SGCG: variants seen among roughly 807,000 people sequenced by gnomAD.
SGCG encodes gamma-sarcoglycan.
A neutral mutation model predicts 29.3 loss-of-function variants in SGCG; 26 were observed. The ratio of observed to expected loss-of-function variants is 0.89; its 90% CI spans 0.65 to 1.23. The LOEUF (loss-of-function observed/expected upper bound fraction) is 1.23. Among genes scored for constraint, SGCG ranks in the 50% most tolerant of loss-of-function variants. SGCG has a pLI of 0.00. For synonymous variants in SGCG, 145 were observed against 129.7 expected (o/e 1.12, Z -0.80); for missense variants, 353 against 356.0 (o/e 0.99, Z 0.07).
At chr13:23,200,733 A>C (rs2137496262) in intron 1 of SGCG, among the ~76,000 whole-genome samples, 1 of 152,286 alleles carries the variant, frequency 6.6e-6, no homozygotes, top group African/African-American at 2.4e-5. Flanking sequence ...TTACTGAAAT[A>C]GGAATGATCA....
At chr13:23,266,638 C>G (rs964839619) in intron 4 of SGCG, among the ~76,000 whole-genome samples, 2 of 152,074 alleles carry the variant, frequency 1.3e-5, no homozygotes, top group African/African-American at 4.8e-5. Flanking sequence ...CACTAAAATC[C>G]TAGACATCAC....
intron 2 of SGCG, among the ~76,000 whole-genome samples, chr13:23,226,093 T>C (rs9580575): frequency 0.1 from 15,828 of 152,168 alleles, 988 homozygotes; most frequent in Middle Eastern, 0.14. Context: ...CACCCCGCAC[T>C]GGGGGATTTC....
chr13:23,166,225 TTTTGTTTG>T, the SGCG span, among the ~76,000 whole-genome samples: 2 of 151,860 alleles, frequency 1.3e-5, no homozygotes, highest in South Asian at 4.2e-4. Context: ...TTACCGAGAG[TTTTGTTTG>T]TTTGTTTGTT....
At chr13:23,242,197 G>A (rs919927673) in intron 3 of SGCG, among the ~76,000 whole-genome samples, 2 of 152,116 alleles carry the variant, frequency 1.3e-5, no homozygotes, top group Admixed American at 6.5e-5. Context: ...CAGAATTCTT[G>A]ATATAGGATT....
chr13:23,187,635 T>G (rs1877043215), intron 1 of SGCG, among the ~76,000 whole-genome samples: 1 of 152,064 alleles, frequency 6.6e-6, no homozygotes, highest in Admixed American at 6.6e-5. Context: ...GAGAGGTGCA[T>G]TAGTGGTGGG....
rs191427203 is a variant in SGCG at position 23,248,558 on chromosome 13, G to T, written c.298-2072G>T. ...ACAACAAAAAAAATTAGCCGGCGTG[G>T]CAGCAGGCGCCTGTAGTCCCAGCTC... On this transcript the variant is annotated intron_variant, in intron 3 of 7. Coordinates refer to ENST00000218867, the MANE Select transcript of SGCG (RefSeq NM_000231.3). Among the ~76,000 whole-genome samples the T allele has an allele frequency of 1.3e-4, 19 of 151,636 alleles. 1 individual carries two copies. The highest frequency in any genetic ancestry group is 1.3e-3 in the Admixed American group (19 of 15,192).
intron 1 of SGCG, among the ~76,000 whole-genome samples, chr13:23,184,742 T>C (rs2137469292): frequency 6.6e-6 from 1 of 152,302 alleles, no homozygotes. Context: ...ACCTTGCCCA[T>C]CTTCCTCTCC....
upstream of SGCG, among the ~76,000 whole-genome samples, chr13:23,176,584 C>T (rs572502510): frequency 1.3e-5 from 2 of 151,714 alleles, no homozygotes; most frequent in East Asian, 1.9e-4. Context: ...ATTTGCAGGG[C>T]GTATCTTTTT....
chr13:23,230,398 G>T (rs981234048), intron 2 of SGCG, among the ~76,000 whole-genome samples: 1 of 152,114 alleles, frequency 6.6e-6, no homozygotes, highest in African/African-American at 2.4e-5. Flanking sequence ...TAATGATATT[G>T]ATTCTTCCTA....
At chr13:23,310,555 A>G (rs943532652) in intron 6 of SGCG, among the ~76,000 whole-genome samples, 1 of 151,848 alleles carries the variant, frequency 6.6e-6, no homozygotes, top group Non-Finnish European at 1.5e-5. Context: ...CTATGTTTCA[A>G]ATTTTTTGGT....
At chr13:23,224,269 T>A (rs1285959716) in intron 2 of SGCG, among the ~76,000 whole-genome samples, 1 of 152,226 alleles carries the variant, frequency 6.6e-6, no homozygotes, top group Non-Finnish European at 1.5e-5. Flanking sequence ...ATGTGTTAGT[T>A]GAAGAGCCAC....
intron 1 of SGCG, among the ~76,000 whole-genome samples, chr13:23,196,222 C>A (rs9507050): frequency 0.15 from 22,879 of 151,946 alleles, 1,858 homozygotes; most frequent in East Asian, 0.32. Context: ...CATTTAATGT[C>A]CAGTTTTGCC....
chr13:23,188,659 G>A (rs962223156), intron 1 of SGCG, among the ~76,000 whole-genome samples: 18 of 152,072 alleles, frequency 1.2e-4, no homozygotes, highest in Non-Finnish European at 2.4e-4. Flanking sequence ...CACTCATCTA[G>A]TCCGGTCCAC....
intron 2 of SGCG, among the ~76,000 whole-genome samples, chr13:23,206,055 T>C (rs1565999218): frequency 1.3e-5 from 2 of 152,220 alleles, no homozygotes; most frequent in Non-Finnish European, 2.9e-5. Context: ...CTTTTGTAAT[T>C]ATCCTATATG....
intron 5 of SGCG, among the ~76,000 whole-genome samples, chr13:23,280,862 T>G (rs887090908): frequency 6.6e-6 from 1 of 152,194 alleles, no homozygotes; most frequent in African/African-American, 2.4e-5. Context: ...AACAGCTTAG[T>G]TCACTTCAAA....
chr13:23,198,586 C>T (rs1225434863), intron 1 of SGCG, among the ~76,000 whole-genome samples: 1 of 152,086 alleles, frequency 6.6e-6, no homozygotes, highest in Non-Finnish European at 1.5e-5. Flanking sequence ...GTGGCTCATA[C>T]CTATAATCCC....
the SGCG span, among the ~76,000 whole-genome samples, chr13:23,165,278 C>A: frequency 1.3e-5 from 2 of 152,042 alleles, no homozygotes; most frequent in Non-Finnish European, 2.9e-5. Flanking sequence ...TGTTTTCAGG[C>A]TGTTTTTGAA....
chr13:23,295,500 G>A lies in SGCG; in HGVS notation c.578+13G>A, dbSNP rs370355474. The A allele has an allele frequency of 6.3e-7, 1 of 1,591,782 alleles. No individual in the cohort carries two copies. Among genetic ancestry groups the A allele is most frequent in the Non-Finnish European group, 8.6e-7 (1 of 1,159,806 alleles). On this transcript the variant is annotated intron_variant, in intron 6 of 7. Transcript: ENST00000218867. ...TTCAAGACCTTAGGTAAGAATTTTT[G>A]TTCAAATATTAACAACCTCTCCTGT...
rs372883054 is a variant in SGCG, at chr13:23,310,241, C to T, written c.579-10396C>T. Among the ~76,000 whole-genome samples the T allele has an allele frequency of 3.7e-4, 56 of 151,964 alleles. 1 individual carries two copies. The East Asian group carries it at 7.6e-3, about 21-fold the overall frequency. ...AGCTGGGACTACAGGCGCCCGCCAC[C>T]ACACCCGGGTAATTTTTTGTATTTT... On this transcript the variant is annotated intron_variant, in intron 6 of 7. Transcript: ENST00000218867.
Sources: gnomAD v4.1 joint callset for allele counts (sites outside exome capture counted in the v4.1 genomes callset) on GRCh38, gnomAD v4.1.1 for gene constraint, MANE v1.5 for transcripts, NCBI Gene and HGNC (gene_info 2026-07-23, HGNC 2026-07-21) for gene names.